ZBTB49: variants seen among roughly 807,000 people sequenced by gnomAD.
ZBTB49 encodes zinc finger and BTB domain containing 49.
A neutral mutation model predicts 57.5 loss-of-function variants in ZBTB49; 43 were observed. The ratio of observed to expected loss-of-function variants is 0.75; its 90% CI spans 0.59 to 0.97. The LOEUF is 0.97. Ranked by LOEUF, ZBTB49 falls within the 50% of genes least tolerant of loss-of-function variation. ZBTB49 has a pLI of 0.00. For synonymous variants in ZBTB49, 369 were observed against 362.1 expected, an observed-to-expected ratio of 1.02 and a Z score of -0.22; for missense variants, 938 against 947.7, an observed-to-expected ratio of 0.99 and a Z score of 0.13.
At chr4:4,306,518 G>C (rs951484397) in intron 4 of ZBTB49, among the ~76,000 whole-genome samples, 4 of 152,200 alleles carry the variant, frequency 2.6e-5, no homozygotes, top group African/African-American at 9.7e-5. Context: ...ATTGTGCTGG[G>C]TTAGGCTGAA....
chr4:4,321,539 G>A lies in ZBTB49; in HGVS notation c.*223G>A, dbSNP rs1577252814. On this transcript the variant is annotated 3_prime_UTR_variant, in exon 8 of 8. Transcript: ENST00000337872. ...GGCAGCCGCGGGAGGGAGCGCTGAC[G>A]TCACAGAAGCGAAGGCTTGATGCTG... 1.2e-5 allele frequency: 7 copies of A among 576,262 alleles called. No homozygotes were observed. The highest frequency in any genetic ancestry group is 5.6e-5 in the African/African-American group (3 of 53,468). The allele number at this position is 576,262 out of a possible 1,614,324, so 35.7% of individuals were successfully genotyped here.
At chr4:4,315,073 G>T (rs989394500) in intron 5 of ZBTB49, among the ~76,000 whole-genome samples, 1 of 152,218 alleles carries the variant, frequency 6.6e-6, no homozygotes, top group Non-Finnish European at 1.5e-5. Flanking sequence ...ACAGTGGAGG[G>T]TGACAGCCAT....
At chr4:4,319,058 T>G (rs966951037) in intron 7 of ZBTB49, among the ~76,000 whole-genome samples, 4 of 151,922 alleles carry the variant, frequency 2.6e-5, no homozygotes, top group Non-Finnish European at 4.4e-5. Context: ...CCCAGCTAAT[T>G]TTTATTTTAT....
intron 1 of ZBTB49, among the ~76,000 whole-genome samples, chr4:4,291,369 A>G (rs936361181): frequency 6.6e-6 from 1 of 152,138 alleles, no homozygotes; most frequent in African/African-American, 2.4e-5. Flanking sequence ...CTTTGCATCC[A>G]GATTTCCTCT....
At chr4:4,307,010 C>T (rs891383358) in intron 4 of ZBTB49, among the ~76,000 whole-genome samples, 37 of 152,246 alleles carry the variant, frequency 2.4e-4, no homozygotes, top group Admixed American at 6.5e-4. Context: ...CGTGTTTGCT[C>T]GCATTCCCCC....
Position 4,321,346 on chromosome 4 carries a change from GTTC to G in ZBTB49, c.*32_*34del, listed in dbSNP as rs1306511536. On this transcript the variant is annotated 3_prime_UTR_variant, in exon 8 of 8. Transcript: ENST00000337872. The stretch of plus-strand genomic sequence containing the variant: ...CCGCGCTTCTCCACGGTAGAGGCGT[GTTC>G]TCAGTTTAGCAGGCTGGTGTTAAGG... The G allele has an allele frequency of 1.3e-6, 2 of 1,599,086 alleles. No homozygotes were observed. Among genetic ancestry groups the G allele is most frequent in the Non-Finnish European group, 1.7e-6 (2 of 1,177,942 alleles).
rs1721375617 is a variant in ZBTB49, at chr4:4,320,731, C to T, written c.1713C>T (p.Cys571=). Residue 571 remains cysteine (C), a synonymous_variant, in exon 8 of 8, where the codon TGC becomes TGT. Transcript: ENST00000337872. ...ACACATGTGAGATCTGTAACAAGTG[C>T]TTTACCCGCTCTGCGGTGCTCCGGC... ...KPYTCEICNK[C]FTRSAVLRRH... is the part of the protein sequence containing the mutation. The T allele has an allele frequency of 6.2e-7, 1 of 1,614,222 alleles. No individual in the cohort carries two copies. Among genetic ancestry groups the T allele is most frequent in the Non-Finnish European group, 8.5e-7 (1 of 1,180,042 alleles).
At chr4:4,294,645 G>A (rs1331030258) in intron 1 of ZBTB49, among the ~76,000 whole-genome samples, 5 of 152,260 alleles carry the variant, frequency 3.3e-5, no homozygotes, top group East Asian at 1.9e-4. Context: ...ATGAGCCACC[G>A]CACCCAGCCT....
At chr4:4,317,691 T>G (rs141302056) in intron 7 of ZBTB49, among the ~76,000 whole-genome samples, 13 of 152,248 alleles carry the variant, frequency 8.5e-5, no homozygotes, top group Non-Finnish European at 1.5e-4. Flanking sequence ...TAGACAGTTC[T>G]CTTTTAAGAG....
intron 1 of ZBTB49, among the ~76,000 whole-genome samples, chr4:4,299,139 C>G (rs1045174831): frequency 9.2e-5 from 14 of 152,280 alleles, no homozygotes; most frequent in African/African-American, 3.4e-4. Flanking sequence ...TCTGTCCCCT[C>G]TAGGATGTCA....
chr4:4,295,005 A>C (rs1720126464), intron 1 of ZBTB49, among the ~76,000 whole-genome samples: 1 of 151,964 alleles, frequency 6.6e-6, no homozygotes, highest in South Asian at 2.1e-4. Flanking sequence ...TGCCTTTGGC[A>C]CATAATAGTT....
At chr4:4,304,551 T>C (rs1720657120) in intron 3 of ZBTB49, among the ~76,000 whole-genome samples, 1 of 152,090 alleles carries the variant, frequency 6.6e-6, no homozygotes, top group Non-Finnish European at 1.5e-5. Context: ...GAAACTTACC[T>C]GCTTAGCTTT....
rs774686708 is a variant in ZBTB49, at chr4:4,320,610, GTAAA to G, written c.1622-22_1622-19del. 6.8e-6 allele frequency: 11 copies of G among 1,612,554 alleles called. No homozygotes were observed. The East Asian group carries it at 1.8e-4, about 26-fold the overall frequency. On this transcript the variant is annotated intron_variant, in intron 7 of 7. Transcript: ENST00000337872. ...GGCCACATAGTGAGACCCTGTTTAA[GTAAA>G]TAAATAACTGTTTTTCTTTTTCCAG...
chr4:4,320,766 A>G lies in ZBTB49; in HGVS notation c.1748A>G (p.Lys583Arg), dbSNP rs749870302. ...TRSAVLRRHK[K>R]MHCKAGDESP... ...TCTGCGGTGCTCCGGCGGCACAAGA[A>G]GATGCACTGCAAAGCTGGTGACGAG... Residue 583 changes from lysine to arginine, a missense_variant, in exon 8 of 8, where the codon AAG (lysine) becomes AGG (arginine). Lys to Arg is a conservative substitution (Grantham distance 26). Coordinates refer to ENST00000337872, the MANE Select transcript of ZBTB49 (RefSeq NM_145291.4). 1.2e-6 allele frequency: 2 copies of G among 1,614,236 alleles called. No homozygotes were observed. The highest frequency in any genetic ancestry group is 1.7e-6 in the Non-Finnish European group (2 of 1,180,042).
chr4:4,293,321 T>A (rs1720032358), intron 1 of ZBTB49, among the ~76,000 whole-genome samples: 1 of 152,214 alleles, frequency 6.6e-6, no homozygotes, highest in Non-Finnish European at 1.5e-5. Flanking sequence ...GTGTAGCACA[T>A]CTTAGTCCTG....
At chr4:4,291,287 TTGCACGTGGC>T (rs1170359963) in intron 1 of ZBTB49, among the ~76,000 whole-genome samples, 3 of 152,376 alleles carry the variant, frequency 2.0e-5, no homozygotes, top group African/African-American at 7.2e-5. Context: ...TCTCCTTGGC[TTGCACGTGGC>T]TGCTTTCTTG....
rs549507724 is a variant in ZBTB49 at position 4,302,530 on chromosome 4, A to C, written c.694A>C (p.Ser232Arg). 15 of 1,614,078 alleles carry C rather than the reference A, an allele frequency of 9.3e-6. No homozygotes were observed. The highest frequency in any genetic ancestry group is 1.6e-4 in the Middle Eastern group (1 of 6,062). ...GTACCATAAACACGCAGCTGGTCCC[A>C]GTCAGGAGAGAGTTGTTGAGCAGCC... ...KQYHKHAAGPSQERVVEQPFA... is the reference protein window; with the variant it reads ...KQYHKHAAGPRQERVVEQPFA... Residue 232 changes from serine (S) to arginine (R), a missense_variant, in exon 3 of 8, where the codon AGT becomes CGT. Around this residue, in one of 3 missense-constraint regions of ZBTB49, gnomAD observed 835 missense variants for 819.1 expected, o/e 1.02. Transcript: ENST00000337872.
intron 7 of ZBTB49, 119 bp downstream of exon 7, chr4:4,316,089 A>G: frequency 1.6e-6 from 2 of 1,272,792 alleles, no homozygotes; most frequent in Non-Finnish European, 2.2e-6. Context: ...CTGTTTTTTT[A>G]TTGCCTCACA....
chr4:4,311,686 A>T (rs1005751285), intron 4 of ZBTB49, among the ~76,000 whole-genome samples: 5 of 152,212 alleles, frequency 3.3e-5, no homozygotes, highest in African/African-American at 4.8e-5. Context: ...TAGGTGGTAA[A>T]GGCCTAATTT....
Sources: allele counts gnomAD v4.1 joint callset (sites outside exome capture counted in the v4.1 genomes callset), GRCh38; gene constraint gnomAD v4.1.1; regional missense constraint gnomAD v4.1.1; transcripts MANE v1.5; gene names NCBI Gene and HGNC (gene_info 2026-07-23, HGNC 2026-07-21).